Variants in ADAMTSL1 observed in about 807,000 individuals in gnomAD.
ADAMTSL1 encodes the protein ADAMTS-like protein 1.
ADAMTSL1 carries 126 observed loss-of-function variants against 201.8 expected under a neutral mutation model. That is an observed-to-expected ratio of 0.62 (90% CI 0.54 to 0.72). The LOEUF (loss-of-function observed/expected upper bound fraction) is 0.72. Ranked by LOEUF, ADAMTSL1 falls within the 30% of genes least tolerant of loss-of-function variation. ADAMTSL1 has a pLI of 0.00. For missense variants in ADAMTSL1, 2,679 were observed against 2,277.8 expected (o/e 1.18, Z -3.59); for synonymous variants, 1,121 against 903.4 (o/e 1.24, Z -4.32).
intron 1 of ADAMTSL1, among the ~76,000 whole-genome samples, chr9:18,097,623 A>C (rs898553797): frequency 6.6e-6 from 1 of 152,088 alleles, no homozygotes; most frequent in African/African-American, 2.4e-5. Context: ...GCATGTGTAC[A>C]ATTTTCATCA....
intron 2 of ADAMTSL1, among the ~76,000 whole-genome samples, chr9:18,176,802 T>A (rs1485974465): frequency 2.6e-5 from 4 of 152,188 alleles, no homozygotes; most frequent in African/African-American, 9.7e-5. Context: ...ATTTTTGTTT[T>A]TAGGTCAGCT....
chr9:18,369,718 T>G (rs887843257), intron 2 of ADAMTSL1, among the ~76,000 whole-genome samples: 36 of 152,300 alleles, frequency 2.4e-4, no homozygotes, highest in African/African-American at 8.4e-4. Context: ...TACAGCACTA[T>G]TCACAATAGC....
At chr9:18,382,948 G>A (rs916823158) in intron 2 of ADAMTSL1, among the ~76,000 whole-genome samples, 13 of 152,144 alleles carry the variant, frequency 8.5e-5, no homozygotes, top group South Asian at 2.1e-4. Flanking sequence ...CAGTAAGATC[G>A]CACTGAAACA....
intron 1 of ADAMTSL1, among the ~76,000 whole-genome samples, chr9:18,121,763 T>G (rs1564011578): frequency 6.6e-6 from 1 of 152,196 alleles, no homozygotes; most frequent in South Asian, 2.1e-4. Flanking sequence ...TGGTGTATTT[T>G]TACCATGCAA....
intron 23 of ADAMTSL1, among the ~76,000 whole-genome samples, chr9:18,849,167 G>C (rs2131362429): frequency 6.6e-6 from 1 of 151,374 alleles, no homozygotes. Flanking sequence ...GGATAGAAGA[G>C]GCTGCATAAG....
intron 1 of ADAMTSL1, among the ~76,000 whole-genome samples, chr9:18,078,706 T>G (rs1823339371): frequency 6.6e-6 from 1 of 152,192 alleles, no homozygotes. Flanking sequence ...CATATTCTGT[T>G]TCTCTGGTTA....
chr9:18,311,432 G>A (rs962469995), intron 2 of ADAMTSL1, among the ~76,000 whole-genome samples: 5 of 152,050 alleles, frequency 3.3e-5, no homozygotes, highest in East Asian at 1.9e-4. Flanking sequence ...CAAATAGCAC[G>A]TCAATGTGTT....
chr9:18,804,501 A>T (rs1037298495), intron 20 of ADAMTSL1, among the ~76,000 whole-genome samples: 19 of 152,202 alleles, frequency 1.2e-4, no homozygotes, highest in African/African-American at 4.6e-4. Flanking sequence ...AAGATCTTGC[A>T]TGTTAATATA....
At chr9:18,316,113 G>A (rs746242899) in intron 2 of ADAMTSL1, among the ~76,000 whole-genome samples, 1 of 152,178 alleles carries the variant, frequency 6.6e-6, no homozygotes, top group African/African-American at 2.4e-5. Flanking sequence ...TTTTCAAAAG[G>A]GGAGGGAATG....
intron 1 of ADAMTSL1, among the ~76,000 whole-genome samples, chr9:18,054,294 T>G (rs1822071811): frequency 6.6e-6 from 1 of 152,200 alleles, no homozygotes; most frequent in South Asian, 2.1e-4. Context: ...CTATTCAAAT[T>G]TTGAATTACA....
chr9:18,114,524 A>G (rs1271760664), intron 1 of ADAMTSL1, among the ~76,000 whole-genome samples: 1 of 152,080 alleles, frequency 6.6e-6, no homozygotes, highest in African/African-American at 2.4e-5. Flanking sequence ...TGAGTGAAAA[A>G]CCCAGAAAAA....
At chr9:18,124,339 C>G (rs2131935146) in intron 1 of ADAMTSL1, among the ~76,000 whole-genome samples, 1 of 152,128 alleles carries the variant, frequency 6.6e-6, no homozygotes, top group Non-Finnish European at 1.5e-5. Flanking sequence ...CTTCAGCCTC[C>G]CAAAGTGCTA....
At chr9:17,939,951 C>T (rs1204949518) in intron 1 of ADAMTSL1, among the ~76,000 whole-genome samples, 1 of 152,018 alleles carries the variant, frequency 6.6e-6, no homozygotes, top group Admixed American at 6.6e-5. Flanking sequence ...CCCTTCTTGG[C>T]TGAGTGAGGT....
chr9:18,499,245 G>A (rs1157136873), intron 1 of ADAMTSL1, among the ~76,000 whole-genome samples: 1 of 152,186 alleles, frequency 6.6e-6, no homozygotes, highest in African/African-American at 2.4e-5. Flanking sequence ...CATCTGGGAA[G>A]GCGCATGCCT....
At chr9:18,377,831 G>A (rs868060260) in intron 2 of ADAMTSL1, among the ~76,000 whole-genome samples, 24 of 152,246 alleles carry the variant, frequency 1.6e-4, no homozygotes, top group Middle Eastern at 6.8e-3. Flanking sequence ...GCCTCCCAAA[G>A]TGCTGGGATT....
At chr9:18,554,827 T>C (rs543439233) in intron 3 of ADAMTSL1, among the ~76,000 whole-genome samples, 105 of 151,882 alleles carry the variant, frequency 6.9e-4, no homozygotes, top group Non-Finnish European at 1.3e-3. Flanking sequence ...CAATGTCCTG[T>C]CCCAGAGTGG....
rs1257368508 is a variant in ADAMTSL1, at chr9:17,912,641, G to C, written c.87+5719G>C. ...TTTTCTCCCATTCTGTAGGTTGCCT[G>C]TTCACTCTGATGGTAGTTTCTTTTG... On this transcript the variant is annotated intron_variant, in intron 1 of 29. Coordinates refer to the ADAMTSL1 transcript ENST00000680146. Among the ~76,000 whole-genome samples the C allele has an allele frequency of 3.3e-4, 23 of 70,304 alleles. 2 individuals are homozygous for C. The highest frequency in any genetic ancestry group is 6.9e-4 in the African/African-American group (23 of 33,212). 46.1% of individuals were successfully genotyped at this position (70,304 alleles called of 152,430 possible). A position where few individuals can be genotyped will look rare whatever the true frequency, so the allele number is the denominator to read the frequency against.
At chr9:18,554,536 G>A (rs1283906850) in intron 3 of ADAMTSL1, among the ~76,000 whole-genome samples, 3 of 151,734 alleles carry the variant, frequency 2.0e-5, no homozygotes, top group East Asian at 1.9e-4. Flanking sequence ...TCCGCACTAA[G>A]TGAATTGTTT....
intron 2 of ADAMTSL1, among the ~76,000 whole-genome samples, chr9:18,518,668 G>A (rs1279491269): frequency 6.6e-6 from 1 of 152,020 alleles, no homozygotes; most frequent in African/African-American, 2.4e-5. Flanking sequence ...GATACCCAGT[G>A]TGGGATTGCT....
Sources: gnomAD v4.1 joint callset for allele counts (sites outside exome capture counted in the v4.1 genomes callset) on GRCh38, gnomAD v4.1.1 for gene constraint, MANE v1.5 for transcripts, NCBI Gene and HGNC (gene_info 2026-07-23, HGNC 2026-07-21) for gene names.